The following SLIT2 variants were observed in gnomAD, a reference collection of about 807,000 sequenced individuals.
SLIT2 encodes the protein slit guidance ligand 2, also known as slit homolog 2 protein.
A neutral mutation model predicts 185.7 loss-of-function variants in SLIT2; 41 were observed. The ratio of observed to expected loss-of-function variants is 0.22; its 90% CI spans 0.17 to 0.29. SLIT2 has a LOEUF of 0.29. SLIT2 is among the 10% of genes least tolerant of loss of function. SLIT2 has a pLI of 1.00. For missense variants in SLIT2, 1,571 were observed against 1,909.0 expected (o/e 0.82, Z 3.30); for synonymous variants, 693 against 680.2 (o/e 1.02, Z -0.29).
At chr4:20,510,358 G>A (rs1015517601) in intron 9 of SLIT2, 137 bp from the exon 10 acceptor site, 75 of 665,148 alleles carry the variant, frequency 1.1e-4, no homozygotes, top group African/African-American at 8.8e-4. Flanking sequence ...ATTAAATTTA[G>A]TACTTATTTT....
chr4:20,404,623 G>A (rs189803253), intron 4 of SLIT2, among the ~76,000 whole-genome samples: 5 of 152,098 alleles, frequency 3.3e-5, no homozygotes, highest in Admixed American at 2.6e-4. Context: ...GTTCACCAAC[G>A]AATGAATGCA....
intron 1 of SLIT2, among the ~76,000 whole-genome samples, chr4:20,255,301 G>C (rs1286682447): frequency 6.6e-6 from 1 of 152,202 alleles, no homozygotes; most frequent in Non-Finnish European, 1.5e-5. Flanking sequence ...CTCGCCCTTA[G>C]TTTTAAGGCC....
chr4:20,433,035 A>G (rs576233629), intron 4 of SLIT2, among the ~76,000 whole-genome samples: 9 of 152,184 alleles, frequency 5.9e-5, no homozygotes, highest in Admixed American at 5.9e-4. Context: ...TACTGTTGCT[A>G]TCTGTGAGTT....
chr4:20,480,336 G>A (rs1716565256), intron 5 of SLIT2, among the ~76,000 whole-genome samples: 1 of 152,148 alleles, frequency 6.6e-6, no homozygotes, highest in Admixed American at 6.6e-5. Flanking sequence ...GGTCACTGAG[G>A]GGGTGCATGT....
chr4:20,498,558 G>A (rs1577790255), intron 9 of SLIT2, among the ~76,000 whole-genome samples: 1 of 152,324 alleles, frequency 6.6e-6, no homozygotes, highest in South Asian at 2.1e-4. Context: ...TCTAGTTATA[G>A]ATTTCCTGTG....
intron 5 of SLIT2, among the ~76,000 whole-genome samples, chr4:20,477,644 A>C (rs550193644): frequency 2.0e-5 from 3 of 152,338 alleles, no homozygotes; most frequent in Admixed American, 1.3e-4. Context: ...TGGAGTCAGC[A>C]AATAAGGGAG....
chr4:20,568,728 CA>C lies in SLIT2; in HGVS notation c.2949-136del, dbSNP rs1420282935. 3.9e-5 allele frequency: 28 copies of C among 724,018 alleles called. 1 individual carries two copies. The East Asian group carries it at 7.2e-4, about 19-fold the overall frequency. The allele number at this position is 724,018 out of a possible 1,614,324, so 44.8% of individuals were successfully genotyped here. The stretch of plus-strand genomic sequence containing the variant: ...ATGTTTACAACATGTCAGTTAAAAG[CA>C]TTTTAAAAAATCAATTTCTGGTAGT... On this transcript the variant is annotated intron_variant, in intron 28 of 36. Transcript: ENST00000504154.
At chr4:20,557,266 C>T (rs1724343290) in intron 26 of SLIT2, among the ~76,000 whole-genome samples, 1 of 152,026 alleles carries the variant, frequency 6.6e-6, no homozygotes, top group Non-Finnish European at 1.5e-5. Flanking sequence ...AAGCAGATGT[C>T]ATCTAGGATT....
intron 32 of SLIT2, among the ~76,000 whole-genome samples, chr4:20,597,606 A>G (rs1042960951): frequency 6.6e-6 from 1 of 152,164 alleles, no homozygotes; most frequent in Admixed American, 6.5e-5. Flanking sequence ...AATTCAAATG[A>G]CTTTAGCCAG....
chr4:20,397,276 C>A (rs529830707), intron 4 of SLIT2, among the ~76,000 whole-genome samples: 1 of 151,730 alleles, frequency 6.6e-6, no homozygotes, highest in Non-Finnish European at 1.5e-5. Flanking sequence ...ATCTAAAGTT[C>A]ATTGTCTTTG....
chr4:20,548,848 A>G (rs1023501714), intron 23 of SLIT2, among the ~76,000 whole-genome samples: 3 of 152,170 alleles, frequency 2.0e-5, no homozygotes, highest in African/African-American at 4.8e-5. Context: ...AAAGTTGGGC[A>G]GGAGTAGGCA....
At chr4:20,397,834 T>G (rs981866654) in intron 4 of SLIT2, among the ~76,000 whole-genome samples, 1 of 151,756 alleles carries the variant, frequency 6.6e-6, no homozygotes, top group Non-Finnish European at 1.5e-5. Flanking sequence ...CACATGTGGT[T>G]GTCGGAATTG....
intron 4 of SLIT2, among the ~76,000 whole-genome samples, chr4:20,282,862 AC>A (rs1714905777): frequency 1.3e-5 from 2 of 152,252 alleles, no homozygotes; most frequent in Non-Finnish European, 2.9e-5. Flanking sequence ...TTTATTAAAG[AC>A]CATTTAGGAC....
chr4:20,287,791 C>T (rs763713916), intron 4 of SLIT2, among the ~76,000 whole-genome samples: 3 of 152,156 alleles, frequency 2.0e-5, no homozygotes, highest in Middle Eastern at 3.4e-3. Flanking sequence ...TTATGCTTCC[C>T]ACAGCACTTA....
At chr4:20,568,837 T>G (rs1259300733) in intron 28 of SLIT2, 28 bp from the exon 29 acceptor site, 1 of 1,602,160 alleles carries the variant, frequency 6.2e-7, no homozygotes, top group Admixed American at 1.7e-5. Context: ...AAAAAGATGT[T>G]TTTTGCCTTT....
intron 4 of SLIT2, among the ~76,000 whole-genome samples, chr4:20,425,560 T>A (rs1198904830): frequency 3.9e-5 from 6 of 152,140 alleles, no homozygotes; most frequent in Admixed American, 3.9e-4. Flanking sequence ...TTTAAAGAAA[T>A]GTCATATTGA....
intron 4 of SLIT2, among the ~76,000 whole-genome samples, chr4:20,437,289 T>G (rs540260986): frequency 6.6e-6 from 1 of 152,204 alleles, no homozygotes; most frequent in African/African-American, 2.4e-5. Context: ...TTCCTTCTCA[T>G]GAATGTCATC....
chr4:20,290,586 G>A (rs1416773935), intron 4 of SLIT2, among the ~76,000 whole-genome samples: 1 of 152,114 alleles, frequency 6.6e-6, no homozygotes, highest in African/African-American at 2.4e-5. Flanking sequence ...ACGACTATAT[G>A]TGTGTATTTG....
Position 20,619,059 on chromosome 4 carries a change from C to A in SLIT2, c.*50C>A. The stretch of plus-strand genomic sequence containing the variant: ...TGGAAAAGGTTGTATACTTCTTGAC[C>A]GTGTGGGACTAATGAATGCTTCATA... On this transcript the variant is annotated 3_prime_UTR_variant, in exon 37 of 37. Coordinates refer to ENST00000504154, the MANE Select transcript of SLIT2 (RefSeq NM_004787.4). The A allele has an allele frequency of 1.3e-6, 2 of 1,567,034 alleles. No individual in the cohort carries two copies. The highest frequency in any genetic ancestry group is 2.3e-5 in the South Asian group (2 of 86,926).
Sources: allele counts gnomAD v4.1 joint callset (sites outside exome capture counted in the v4.1 genomes callset), GRCh38; gene constraint gnomAD v4.1.1; transcripts MANE v1.5; gene names NCBI Gene and HGNC (gene_info 2026-07-23, HGNC 2026-07-21).